Variants in ZMAT4 observed in about 807,000 individuals in gnomAD.
The protein encoded by ZMAT4 is zinc finger matrin-type 4, also known as zinc finger matrin-type protein 4.
In ZMAT4, 17 loss-of-function variants were observed where a neutral mutation model predicts 28.7. The observed-to-expected ratio is 0.59, with a 90% CI of 0.41 to 0.89. ZMAT4 has a LOEUF of 0.89. Among genes scored for constraint, ZMAT4 ranks in the 40% least tolerant of loss-of-function variants. The probability of loss-of-function intolerance (pLI) is 0.00; values close to 1 mark genes in which losing one functional copy is unlikely to be tolerated. For missense variants in ZMAT4, 240 were observed against 283.8 expected (o/e 0.85, Z 1.11); for synonymous variants, 117 against 109.2 (o/e 1.07, Z -0.44).
intron 3 of ZMAT4, among the ~76,000 whole-genome samples, chr8:40,751,615 A>G (rs1812454313): frequency 6.6e-6 from 1 of 152,092 alleles, no homozygotes. Flanking sequence ...TGGGTGGGGC[A>G]AATAACCAAA....
At position 40,661,408 on chromosome 8, in the gene ZMAT4, T is replaced by C. The variant is rs1808191047; in HGVS notation, c.577+13296A>G. Among the ~76,000 whole-genome samples the C allele has an allele frequency of 2.0e-5, 3 of 152,218 alleles. No homozygotes were observed. The South Asian group carries it at 6.2e-4, about 32-fold the overall frequency. On this transcript the variant is annotated intron_variant, in intron 5 of 6. Transcript: ENST00000297737. ...AGCCATCATGCCCAGCCGGTGTTTA[T>C]TAAATATTAGTCAAAATGAGATAGT...
chr8:40,782,566 G>T (rs575200167), intron 2 of ZMAT4, among the ~76,000 whole-genome samples: 1 of 152,190 alleles, frequency 6.6e-6, no homozygotes, highest in African/African-American at 2.4e-5. Context: ...AAAATCATGG[G>T]CAAAGGACTT....
At chr8:40,578,325 C>T (rs543378470) in intron 6 of ZMAT4, among the ~76,000 whole-genome samples, 2 of 152,130 alleles carry the variant, frequency 1.3e-5, no homozygotes, top group South Asian at 4.1e-4. Context: ...TCATGAAACT[C>T]AATCTCTCCC....
intron 6 of ZMAT4, among the ~76,000 whole-genome samples, chr8:40,580,469 T>C (rs1425296738): frequency 6.6e-6 from 1 of 152,230 alleles, no homozygotes; most frequent in Admixed American, 6.5e-5. Context: ...TGAAAACAAT[T>C]ATGCTCAGGA....
At chr8:40,639,811 A>G (rs1465831852) in intron 5 of ZMAT4, among the ~76,000 whole-genome samples, 1 of 143,336 alleles carries the variant, frequency 7.0e-6, no homozygotes, top group Non-Finnish European at 1.6e-5. Context: ...CATTCTTTGT[A>G]TATATTCTAT....
chr8:40,564,920 G>A (rs1336546868), intron 6 of ZMAT4, among the ~76,000 whole-genome samples: 1 of 152,160 alleles, frequency 6.6e-6, no homozygotes, highest in Non-Finnish European at 1.5e-5. Context: ...TAAAAAATCT[G>A]CTTTAGAACA....
chr8:40,692,196 A>G (rs1292297805), intron 4 of ZMAT4, among the ~76,000 whole-genome samples: 1 of 152,194 alleles, frequency 6.6e-6, no homozygotes, highest in Admixed American at 6.5e-5. Flanking sequence ...TGCAGAGCAC[A>G]CCTCAGAATG....
intron 5 of ZMAT4, among the ~76,000 whole-genome samples, chr8:40,617,231 A>T (rs1806040708): frequency 6.6e-6 from 1 of 152,224 alleles, no homozygotes; most frequent in African/African-American, 2.4e-5. Flanking sequence ...TTGCACTAGA[A>T]TTTAGGGAAA....
intron 5 of ZMAT4, among the ~76,000 whole-genome samples, chr8:40,627,741 T>C (rs928524207): frequency 6.6e-6 from 1 of 152,234 alleles, no homozygotes; most frequent in Non-Finnish European, 1.5e-5. Flanking sequence ...GTATCTTTTT[T>C]TCTTACATAG....
At chr8:40,790,758 A>AT (rs1351221561) in intron 2 of ZMAT4, among the ~76,000 whole-genome samples, 1 of 152,228 alleles carries the variant, frequency 6.6e-6, no homozygotes, top group African/African-American at 2.4e-5. Flanking sequence ...CTCTGTAGCC[A>AT]TTTTTTGTAG....
At chr8:40,661,899 T>C (rs1227499557) in intron 5 of ZMAT4, among the ~76,000 whole-genome samples, 1 of 152,216 alleles carries the variant, frequency 6.6e-6, no homozygotes, top group Non-Finnish European at 1.5e-5. Flanking sequence ...AAAAATGAAT[T>C]GGTTAGCAGT....
At chr8:40,805,525 A>T (rs1019207950) in intron 2 of ZMAT4, among the ~76,000 whole-genome samples, 1 of 134,892 alleles carries the variant, frequency 7.4e-6, no homozygotes, top group African/African-American at 2.8e-5. Context: ...AATAGCAAAG[A>T]CTTGGAACCA....
At position 40,734,139 on chromosome 8, in the gene ZMAT4, G is replaced by A. The variant is rs117870659; in HGVS notation, c.192+33502C>T. ...GAGGATAGCAAGCTACAAGGAATGCGCTGGACATGGCAGTTATTTCTCAAT... is the reference window on the plus strand; with the variant it reads ...GAGGATAGCAAGCTACAAGGAATGCACTGGACATGGCAGTTATTTCTCAAT... On this transcript the variant is annotated intron_variant, in intron 3 of 6. Transcript: ENST00000297737. Among the ~76,000 whole-genome samples, 56 of 152,276 alleles carry A rather than the reference G, an allele frequency of 3.7e-4. No individual in the cohort carries two copies. The East Asian group carries it at 5.4e-3, about 15-fold the overall frequency.
chr8:40,691,330 G>T (rs1224077391), intron 4 of ZMAT4, among the ~76,000 whole-genome samples: 2 of 151,646 alleles, frequency 1.3e-5, no homozygotes, highest in African/African-American at 2.4e-5. Context: ...CACTGCTCTT[G>T]GGGGCCATTT....
intron 1 of ZMAT4, among the ~76,000 whole-genome samples, chr8:40,872,568 C>A (rs950211688): frequency 6.6e-6 from 1 of 152,156 alleles, no homozygotes; most frequent in South Asian, 2.1e-4. Context: ...AGGGGTGGGC[C>A]TTAGGGGGCC....
intron 6 of ZMAT4, among the ~76,000 whole-genome samples, chr8:40,559,953 C>T (rs980836169): frequency 1.3e-5 from 2 of 151,970 alleles, no homozygotes; most frequent in African/African-American, 4.8e-5. Flanking sequence ...AATAATCTTC[C>T]TCAGGCAGAA....
At chr8:40,561,599 C>T (rs887881622) in intron 6 of ZMAT4, among the ~76,000 whole-genome samples, 4 of 152,112 alleles carry the variant, frequency 2.6e-5, no homozygotes, top group Admixed American at 2.6e-4. Context: ...TCTCCTCCAA[C>T]AGTCTGTCTT....
intron 6 of ZMAT4, among the ~76,000 whole-genome samples, chr8:40,574,358 TGTAA>T (rs1272734557): frequency 1.3e-5 from 2 of 152,114 alleles, no homozygotes; most frequent in Non-Finnish European, 2.9e-5. Flanking sequence ...AATTTATATT[TGTAA>T]GTATCTAATA....
intron 5 of ZMAT4, among the ~76,000 whole-genome samples, chr8:40,607,850 G>T (rs1304129716): frequency 6.6e-6 from 1 of 152,074 alleles, no homozygotes; most frequent in African/African-American, 2.4e-5. Context: ...CTAGTACTGG[G>T]GTGTGTCTGC....
Sources: allele counts gnomAD v4.1 joint callset (sites outside exome capture counted in the v4.1 genomes callset), GRCh38; gene constraint gnomAD v4.1.1; transcripts MANE v1.5; gene names NCBI Gene and HGNC (gene_info 2026-07-23, HGNC 2026-07-21).